The following KIAA0825 variants were observed in gnomAD, a reference collection of about 807,000 sequenced individuals.
The protein encoded by KIAA0825 is uncharacterized protein KIAA0825.
A neutral mutation model predicts 147.6 loss-of-function variants in KIAA0825; 119 were observed. The observed-to-expected ratio is 0.81, with a 90% CI of 0.69 to 0.94. The LOEUF is 0.94. KIAA0825 is among the 40% of genes least tolerant of loss of function. The pLI is 0.00. For missense variants in KIAA0825, 1,381 were observed against 1,472.7 expected, an observed-to-expected ratio of 0.94 and a Z score of 1.02; for synonymous variants, 470 against 518.1, an observed-to-expected ratio of 0.91 and a Z score of 1.26.
intron 1 of KIAA0825, among the ~76,000 whole-genome samples, chr5:94,591,966 T>C (rs1257155765): frequency 6.6e-6 from 1 of 152,144 alleles, no homozygotes; most frequent in African/African-American, 2.4e-5. Context: ...CTTGATTCCA[T>C]TACCTCCTAC....
intron 10 of KIAA0825, 69 bp from the exon 11 acceptor site, chr5:94,465,128 C>T (rs554328157): frequency 2.1e-5 from 30 of 1,416,290 alleles, no homozygotes; most frequent in Middle Eastern, 2.2e-4. Flanking sequence ...TTCCTATGAA[C>T]GTAATTAGTT....
At chr5:94,379,743 TG>T (rs1239798228) in intron 20 of KIAA0825, among the ~76,000 whole-genome samples, 1 of 152,170 alleles carries the variant, frequency 6.6e-6, no homozygotes, top group Non-Finnish European at 1.5e-5. Context: ...TGTTTCCATT[TG>T]CTTTTTTTCA....
intron 20 of KIAA0825, among the ~76,000 whole-genome samples, chr5:94,334,314 A>G (rs1781579173): frequency 6.6e-6 from 1 of 152,252 alleles, no homozygotes; most frequent in Non-Finnish European, 1.5e-5. Flanking sequence ...AAACTGAAAC[A>G]TCTATTTGTA....
At position 94,348,029 on chromosome 5, in the gene KIAA0825, A is replaced by G. The variant is rs145886687; in HGVS notation, c.3710+36339T>C. On this transcript the variant is annotated intron_variant, in intron 20 of 20. Coordinates refer to ENST00000682413, the MANE Select transcript of KIAA0825 (RefSeq NM_001145678.3). ...AAAGTCTCAGCAATAGAATTAAAGA[A>G]GTAGAAGAAAGAAATTCAGAGCTCG... Among the ~76,000 whole-genome samples, 341 of 152,330 alleles carry G rather than the reference A, an allele frequency of 2.2e-3. 1 individual carries two copies. The highest frequency in any genetic ancestry group is 7.8e-3 in the African/African-American group (324 of 41,574).
chr5:94,259,502 A>T (rs904236803), intron 20 of KIAA0825, among the ~76,000 whole-genome samples: 1 of 152,000 alleles, frequency 6.6e-6, no homozygotes, highest in African/African-American at 2.4e-5. Flanking sequence ...AGTTTCAGGG[A>T]GACTTAACAT....
intron 2 of KIAA0825, among the ~76,000 whole-genome samples, chr5:94,549,059 A>T (rs1775012175): frequency 6.6e-6 from 1 of 152,178 alleles, no homozygotes; most frequent in South Asian, 2.1e-4. Flanking sequence ...CATTGAACTT[A>T]ATCTGCACTA....
At chr5:94,535,015 T>C (rs1038433400) in intron 3 of KIAA0825, among the ~76,000 whole-genome samples, 3 of 152,132 alleles carry the variant, frequency 2.0e-5, no homozygotes, top group Non-Finnish European at 4.4e-5. Context: ...CTATAGTTAT[T>C]TTATATTTAT....
At chr5:94,463,149 T>G (rs969606748) in intron 11 of KIAA0825, among the ~76,000 whole-genome samples, 1 of 151,728 alleles carries the variant, frequency 6.6e-6, no homozygotes, top group Non-Finnish European at 1.5e-5. Context: ...ATTTATCTTA[T>G]TCATAGACTT....
intron 2 of KIAA0825, among the ~76,000 whole-genome samples, chr5:94,554,731 T>TATATATATAC (rs1776219438): frequency 9.2e-6 from 1 of 108,812 alleles, no homozygotes; most frequent in South Asian, 2.7e-4. Context: ...TATATATATA[T>TATATATATAC]ATATATATAT....
At chr5:94,169,917 C>T (rs1048756066) in intron 20 of KIAA0825, among the ~76,000 whole-genome samples, 3 of 152,068 alleles carry the variant, frequency 2.0e-5, no homozygotes, top group South Asian at 4.1e-4. Context: ...CAGGAATTAC[C>T]CAAAGTCCCT....
intron 16 of KIAA0825, among the ~76,000 whole-genome samples, chr5:94,400,720 C>T (rs1481192672): frequency 6.6e-6 from 1 of 152,014 alleles, no homozygotes; most frequent in Non-Finnish European, 1.5e-5. Context: ...CATAATGAAA[C>T]AAATATCTAA....
chr5:94,220,479 T>G (rs1426479680), intron 20 of KIAA0825, among the ~76,000 whole-genome samples: 2 of 152,206 alleles, frequency 1.3e-5, no homozygotes, highest in Non-Finnish European at 2.9e-5. Context: ...TATACATAAT[T>G]TTATGTGCTA....
chr5:94,459,966 G>A (rs892274322), intron 12 of KIAA0825, among the ~76,000 whole-genome samples: 4 of 151,970 alleles, frequency 2.6e-5, no homozygotes, highest in South Asian at 4.1e-4. Context: ...ATTACATCTT[G>A]CTCATTGTTG....
intron 3 of KIAA0825, among the ~76,000 whole-genome samples, chr5:94,536,694 C>T (rs770257955): frequency 2.0e-5 from 3 of 152,144 alleles, no homozygotes; most frequent in Non-Finnish European, 4.4e-5. Context: ...ACACTCTAAC[C>T]ATATTAATGA....
At chr5:94,564,062 C>T (rs767142455) in intron 2 of KIAA0825, among the ~76,000 whole-genome samples, 64 of 152,196 alleles carry the variant, frequency 4.2e-4, no homozygotes, top group Admixed American at 1.1e-3. Flanking sequence ...TGTCAGTCTT[C>T]CCTCCAACCT....
chr5:94,154,148 C>G (rs1224875038), intron 20 of KIAA0825, 24 bp from the exon 21 acceptor site: 2 of 1,454,332 alleles, frequency 1.4e-6, no homozygotes, highest in African/African-American at 2.8e-5. Context: ...CACATCTTAG[C>G]ATTTTTGTAA....
At chr5:94,164,883 A>G (rs1323249803) in intron 20 of KIAA0825, among the ~76,000 whole-genome samples, 1 of 152,202 alleles carries the variant, frequency 6.6e-6, no homozygotes, top group Non-Finnish European at 1.5e-5. Flanking sequence ...GACATAAAAT[A>G]TAAGACCTCA....
chr5:94,389,133 G>A (rs1450847474), intron 18 of KIAA0825, among the ~76,000 whole-genome samples: 1 of 152,204 alleles, frequency 6.6e-6, no homozygotes, highest in Non-Finnish European at 1.5e-5. Flanking sequence ...TTATCTGTGA[G>A]GAACCTCTAA....
intron 5 of KIAA0825, among the ~76,000 whole-genome samples, chr5:94,499,506 C>T (rs1370490209): frequency 1.4e-5 from 2 of 143,576 alleles, no homozygotes; most frequent in Non-Finnish European, 3.0e-5. Context: ...CCTGGAATCG[C>T]TTTCTTCTCA....
Sources: allele counts gnomAD v4.1 joint callset (sites outside exome capture counted in the v4.1 genomes callset), GRCh38; gene constraint gnomAD v4.1.1; transcripts MANE v1.5; gene names NCBI Gene and HGNC (gene_info 2026-07-23, HGNC 2026-07-21).